FBXW7: variants seen among roughly 807,000 people sequenced by gnomAD.
The protein encoded by FBXW7 is F-box and WD repeat domain containing 7, also known as F-box/WD repeat-containing protein 7.
Under a neutral mutation model 86.3 loss-of-function variants are expected in FBXW7, and 11 were observed. That is an observed-to-expected ratio of 0.13 (90% CI 0.08 to 0.21). The LOEUF (loss-of-function observed/expected upper bound fraction) is 0.21, where lower values mean the gene tolerates loss of function less well. Ranked by LOEUF, FBXW7 falls within the 10% of genes least tolerant of loss-of-function variation. The pLI, the probability that FBXW7 is intolerant of heterozygous loss-of-function variation, is 1.00. For synonymous variants in FBXW7, 313 were observed against 297.9 expected, an observed-to-expected ratio of 1.05 and a Z score of -0.52; for missense variants, 488 against 847.4, an observed-to-expected ratio of 0.58 and a Z score of 5.27.
At position 152,329,657 on chromosome 4, in the gene FBXW7, G is replaced by A. The variant is rs1729374205; in HGVS notation, c.1236+15C>T. On this transcript the variant is annotated intron_variant, in intron 10 of 13. Transcript: ENST00000281708. Reference sequence around the variant, plus strand: ...AAAATTATGACTTTGTGAAGTGTAGGAAGAGTAAACTTACTTTGCCTGTGA... The same window carrying A: ...AAAATTATGACTTTGTGAAGTGTAGAAAGAGTAAACTTACTTTGCCTGTGA... The A allele has an allele frequency of 1.4e-6, 2 of 1,405,206 alleles. No homozygotes were observed. The highest frequency in any genetic ancestry group is 1.9e-6 in the Non-Finnish European group (2 of 1,026,248). The allele number at this position is 1,405,206 out of a possible 1,614,324, so 87.0% of individuals were successfully genotyped here. A position where few individuals can be genotyped will look rare whatever the true frequency, so the allele number is the denominator to read the frequency against.
At chr4:152,420,900 G>A (rs575498510) in intron 2 of FBXW7, among the ~76,000 whole-genome samples, 2 of 152,124 alleles carry the variant, frequency 1.3e-5, no homozygotes, top group Non-Finnish European at 2.9e-5. Context: ...TTCCACTTGA[G>A]GTCACCAGCA....
intron 2 of FBXW7, among the ~76,000 whole-genome samples, chr4:152,448,765 G>A (rs957754796): frequency 5.3e-5 from 8 of 152,084 alleles, no homozygotes; most frequent in African/African-American, 1.7e-4. Flanking sequence ...CAAACTCATC[G>A]CCAAGAAAAA....
At chr4:152,496,555 G>A (rs1223425137) in intron 2 of FBXW7, among the ~76,000 whole-genome samples, 6 of 152,030 alleles carry the variant, frequency 3.9e-5, no homozygotes, top group African/African-American at 1.4e-4. Flanking sequence ...GCAGGCGCCT[G>A]TAATCCCAGC....
At position 152,335,774 on chromosome 4, in the gene FBXW7, A is replaced by C. The variant is rs557184137; in HGVS notation, c.861+2028T>G. Among the ~76,000 whole-genome samples, 3 of 152,302 alleles carry C rather than the reference A, an allele frequency of 2.0e-5. No individual in the cohort carries two copies. In the East Asian group the frequency reaches 5.8e-4, roughly 29 times the overall value. ...GTATTTCAGTGGATTAAACTAGTCAAGGAAAAAAAATTATTTTTAAATGTT... is the reference window on the plus strand; with the variant it reads ...GTATTTCAGTGGATTAAACTAGTCACGGAAAAAAAATTATTTTTAAATGTT... On this transcript the variant is annotated intron_variant, in intron 7 of 13. Transcript: ENST00000281708.
chr4:152,498,295 C>CAAA (rs11410930), intron 2 of FBXW7, among the ~76,000 whole-genome samples: 33 of 150,722 alleles, frequency 2.2e-4, no homozygotes, highest in African/African-American at 7.3e-4. Flanking sequence ...TTTGTCAAGG[C>CAAA]AAAAAAAAAC....
chr4:152,487,576 G>A (rs1407991827), intron 2 of FBXW7, among the ~76,000 whole-genome samples: 1 of 151,908 alleles, frequency 6.6e-6, no homozygotes, highest in East Asian at 1.9e-4. Flanking sequence ...AAAACTTACA[G>A]GATACCTTTA....
At chr4:152,411,161 G>A (rs1404763135) in intron 4 of FBXW7, 142 bp downstream of exon 4, 1 of 1,220,714 alleles carries the variant, frequency 8.2e-7, no homozygotes, top group African/African-American at 1.5e-5. Flanking sequence ...ATTACCTTCT[G>A]TAAGACAAAA....
chr4:152,426,956 T>C (rs980761755), intron 2 of FBXW7, among the ~76,000 whole-genome samples: 4 of 152,214 alleles, frequency 2.6e-5, no homozygotes, highest in African/African-American at 9.6e-5. Flanking sequence ...CGGGGAGCTC[T>C]GTAAAATTAG....
chr4:152,358,386 G>T (rs1202363710), intron 4 of FBXW7, among the ~76,000 whole-genome samples: 1 of 151,828 alleles, frequency 6.6e-6, no homozygotes, highest in Non-Finnish European at 1.5e-5. Flanking sequence ...GACTTGAGAA[G>T]AATTTCCCAT....
At chr4:152,404,912 G>GT (rs1737271161) in intron 4 of FBXW7, among the ~76,000 whole-genome samples, 1 of 151,904 alleles carries the variant, frequency 6.6e-6, no homozygotes, top group African/African-American at 2.4e-5. Context: ...GGGCAACATA[G>GT]TAAGACCTTG....
At chr4:152,429,954 A>T (rs1247587060) in intron 2 of FBXW7, among the ~76,000 whole-genome samples, 1 of 152,140 alleles carries the variant, frequency 6.6e-6, no homozygotes. Context: ...AAAAGAAGGC[A>T]TATTTTATGG....
At position 152,322,162 on chromosome 4, in the gene FBXW7, T is replaced by G. The variant is rs1319159636; in HGVS notation, c.*719A>C. ...ACAATCCCATATTTGAAGACCTACT[T>G]CTAGCACCAGCATCAAGAATTAAAT... On this transcript the variant is annotated 3_prime_UTR_variant, in exon 14 of 14. Coordinates refer to ENST00000281708, the MANE Select transcript of FBXW7 (RefSeq NM_001349798.2). 4.3e-6 allele frequency: 1 copy of G among 233,248 alleles called. No homozygotes were observed. The highest frequency in any genetic ancestry group is 5.6e-5 in the Admixed American group (1 of 17,752). 14.4% of individuals were successfully genotyped at this position (233,248 alleles called of 1,614,324 possible). A position where few individuals can be genotyped will look rare whatever the true frequency, so the allele number is the denominator to read the frequency against.
chr4:152,438,599 C>A (rs1579200683), intron 2 of FBXW7, among the ~76,000 whole-genome samples: 1 of 152,102 alleles, frequency 6.6e-6, no homozygotes, highest in African/African-American at 2.4e-5. Context: ...CACTTGAACC[C>A]CAGAGGCAAA....
chr4:152,493,889 C>A (rs1321682480), intron 2 of FBXW7, among the ~76,000 whole-genome samples: 1 of 152,198 alleles, frequency 6.6e-6, no homozygotes, highest in South Asian at 2.1e-4. Flanking sequence ...TAAAAATATT[C>A]ACTTAATTTA....
At chr4:152,506,447 G>A (rs888780723) in intron 2 of FBXW7, among the ~76,000 whole-genome samples, 40 of 152,104 alleles carry the variant, frequency 2.6e-4, no homozygotes, top group African/African-American at 9.2e-4. Context: ...TATACTTTCA[G>A]ACGACTGGCA....
In FBXW7 at chr4:152,414,576, G is replaced by A. The variant is rs574235860; in HGVS notation, c.-119-2047C>T. ...GGATAAATGATCAGAGAAATTAAAA[G>A]CTCCATTATAGATATTAATCAATAA... On this transcript the variant is annotated intron_variant, in intron 2 of 13. Transcript: ENST00000281708. 2.6e-5 allele frequency among the ~76,000 whole-genome samples: 4 copies of A among 152,240 alleles called. No individual in the cohort carries two copies. In the South Asian group the frequency reaches 8.3e-4, roughly 32 times the overall value.
chr4:152,375,907 C>T (rs1164549160), intron 4 of FBXW7, among the ~76,000 whole-genome samples: 1 of 151,864 alleles, frequency 6.6e-6, no homozygotes, highest in Admixed American at 6.6e-5. Flanking sequence ...TTATGCATAA[C>T]GATGTTCAAA....
At chr4:152,326,972 T>TA (rs1462486435) in intron 11 of FBXW7, among the ~76,000 whole-genome samples, 1 of 152,096 alleles carries the variant, frequency 6.6e-6, no homozygotes, top group Non-Finnish European at 1.5e-5. Flanking sequence ...GGCTATCCCT[T>TA]AAACATTTGG....
chr4:152,401,417 G>A (rs762194791), intron 4 of FBXW7, among the ~76,000 whole-genome samples: 16 of 152,164 alleles, frequency 1.1e-4, no homozygotes, highest in African/African-American at 3.9e-4. Flanking sequence ...TGCATATTAC[G>A]TAAGTGAAAG....
Sources: gnomAD v4.1 joint callset for allele counts (sites outside exome capture counted in the v4.1 genomes callset) on GRCh38, gnomAD v4.1.1 for gene constraint, MANE v1.5 for transcripts, NCBI Gene and HGNC (gene_info 2026-07-23, HGNC 2026-07-21) for gene names.